Variants in PCDHGA2 observed in about 807,000 individuals in gnomAD.
PCDHGA2 encodes protocadherin gamma subfamily A, 2, also known as protocadherin gamma-A2.
A neutral mutation model predicts 59.2 loss-of-function variants in PCDHGA2; 40 were observed. That is an observed-to-expected ratio of 0.68 (90% CI 0.52 to 0.88). The LOEUF is 0.88. Among genes scored for constraint, PCDHGA2 ranks in the 40% least tolerant of loss-of-function variants. The pLI is 0.00. For missense variants in PCDHGA2, 1,226 were observed against 1,204.0 expected (o/e 1.02, Z -0.27); for synonymous variants, 560 against 526.0 (o/e 1.06, Z -0.89).
chr5:141,372,087 C>G, intron 1 of PCDHGA2: 2 of 1,613,740 alleles, frequency 1.2e-6, no homozygotes, highest in Non-Finnish European at 1.7e-6. Flanking sequence ...GGTGCTGTAC[C>G]CAGCTCTGGG....
intron 1 of PCDHGA2, chr5:141,400,541 T>C: frequency 6.2e-7 from 1 of 1,613,832 alleles, no homozygotes; most frequent in Admixed American, 1.7e-5. Flanking sequence ...TTCATTTATG[T>C]CTATTCTTTT....
intron 1 of PCDHGA2, chr5:141,420,085 C>T: frequency 1.2e-6 from 2 of 1,614,028 alleles, no homozygotes; most frequent in Middle Eastern, 1.6e-4. Context: ...GTCCCCCCAA[C>T]TACAGTGAGG....
intron 1 of PCDHGA2, chr5:141,405,392 TTC>T (rs1477182661): frequency 6.3e-7 from 1 of 1,595,986 alleles, no homozygotes; most frequent in Non-Finnish European, 8.5e-7. Flanking sequence ...TTCATTTTTT[TTC>T]TTTCTTTCTT....
rs143138320 is a variant in PCDHGA2 at position 141,489,458 on chromosome 5, G to C, written c.2425-5349G>C. The stretch of plus-strand genomic sequence containing the variant: ...CAATTGGGCTCTGAGGAGAATGGGC[G>C]CTATTTTTCCCTGAGCTTGATGAGT... On this transcript the variant is annotated intron_variant, in intron 1 of 3. Coordinates refer to ENST00000394576, the MANE Select transcript of PCDHGA2 (RefSeq NM_018915.4). The surrounding 1 kb of genome is among the most constrained non-coding windows in gnomAD (Gnocchi z 4.5). 3.7e-6 allele frequency: 6 copies of C among 1,613,924 alleles called. No individual in the cohort carries two copies. The highest frequency in any genetic ancestry group is 5.1e-6 in the Non-Finnish European group (6 of 1,180,000).
chr5:141,343,222 A>T (rs901695696), intron 1 of PCDHGA2: 2 of 839,690 alleles, frequency 2.4e-6, no homozygotes, highest in Non-Finnish European at 2.9e-6. Context: ...TTGTTTAATG[A>T]ATATTAAATA....
rs553104661 is a variant in PCDHGA2 at position 141,460,009 on chromosome 5, C to T, written c.2425-34798C>T. ...AGGAGAATCGCTTGAACCCAGGAGG[C>T]GGAGGTTGCAGTGAGCCGAGACTGC... On this transcript the variant is annotated intron_variant, in intron 1 of 3. Coordinates refer to ENST00000394576, the MANE Select transcript of PCDHGA2 (RefSeq NM_018915.4). 9.9e-4 allele frequency among the ~76,000 whole-genome samples: 150 copies of T among 152,212 alleles called. 1 individual carries two copies. The highest frequency in any genetic ancestry group is 3.4e-3 in the Middle Eastern group (1 of 294).
intron 1 of PCDHGA2, among the ~76,000 whole-genome samples, chr5:141,424,884 T>C (rs953145254): frequency 2.0e-5 from 3 of 152,186 alleles, no homozygotes; most frequent in Non-Finnish European, 4.4e-5. Flanking sequence ...AGGAGACTTA[T>C]CTAGGGTTTT....
At chr5:141,384,585 C>G in intron 1 of PCDHGA2, 2 of 1,614,246 alleles carry the variant, frequency 1.2e-6, no homozygotes, top group South Asian at 1.1e-5. Context: ...CGCCCGAGAT[C>G]CTGTACCCGG....
intron 1 of PCDHGA2, among the ~76,000 whole-genome samples, chr5:141,444,497 C>G (rs899746599): frequency 3.3e-5 from 5 of 152,026 alleles, no homozygotes; most frequent in African/African-American, 1.2e-4. Context: ...TTGTGTAATA[C>G]TTTGCTCTAG....
intron 1 of PCDHGA2, chr5:141,426,876 C>G (rs796453479): frequency 2.2e-6 from 1 of 456,726 alleles, no homozygotes; most frequent in Admixed American, 2.3e-5. Flanking sequence ...GGAGAAGCCC[C>G]TGGGCCAGGA....
intron 2 of PCDHGA2, among the ~76,000 whole-genome samples, chr5:141,499,214 C>T (rs1228581603): frequency 6.6e-6 from 1 of 152,074 alleles, no homozygotes; most frequent in Non-Finnish European, 1.5e-5. Flanking sequence ...TAACCCAGGC[C>T]CTGCCCTGCA....
chr5:141,377,575 G>C (rs2150112851), intron 1 of PCDHGA2: 1 of 150,404 alleles, frequency 6.6e-6, no homozygotes, highest in African/African-American at 2.4e-5. Context: ...TAGCCTGGGA[G>C]ACAGAATGAG....
chr5:141,487,237 T>G lies in PCDHGA2; in HGVS notation c.2425-7570T>G, dbSNP rs1327004790. ...CAGCTCCAAGGGAAGGAGAATCTCGTCTAACCCTCTACTTGGCTGTGTCCC... is the reference window on the plus strand; with the variant it reads ...CAGCTCCAAGGGAAGGAGAATCTCGGCTAACCCTCTACTTGGCTGTGTCCC... On this transcript the variant is annotated intron_variant, in intron 1 of 3. Transcript: ENST00000394576. This position sits in a 1 kb window ranked among gnomAD's most constrained non-coding sequence, Gnocchi z 5.0. 1.2e-6 allele frequency: 2 copies of G among 1,614,004 alleles called. No individual in the cohort carries two copies. The highest frequency in any genetic ancestry group is 1.7e-6 in the Non-Finnish European group (2 of 1,179,988).
intron 1 of PCDHGA2, chr5:141,351,381 A>G (rs1166014937): frequency 1.9e-6 from 3 of 1,612,406 alleles, no homozygotes; most frequent in Admixed American, 1.7e-5. Context: ...GATTCTGGGC[A>G]AAATGGCATG....
chr5:141,453,931 G>T (rs61228273), intron 1 of PCDHGA2, among the ~76,000 whole-genome samples: 2 of 152,306 alleles, frequency 1.3e-5, no homozygotes, highest in African/African-American at 4.8e-5. Flanking sequence ...GTCACTGTGT[G>T]CCTATAATTT....
chr5:141,397,571 A>G (rs1205930640), intron 1 of PCDHGA2, among the ~76,000 whole-genome samples: 1 of 152,224 alleles, frequency 6.6e-6, no homozygotes, highest in East Asian at 1.9e-4. Flanking sequence ...GAGAGCAAGA[A>G]CTGTATCATA....
intron 1 of PCDHGA2, chr5:141,382,944 G>T (rs375823415): frequency 7.9e-5 from 126 of 1,596,768 alleles, no homozygotes; most frequent in Non-Finnish European, 1.0e-4. Flanking sequence ...GATTCTTCCT[G>T]CTCTCCATCC....
In PCDHGA2 at chr5:141,410,925, C is replaced by T. The variant is rs576126485; in HGVS notation, c.2424+69530C>T. The T allele has an allele frequency of 2.3e-5, 5 of 217,506 alleles. No individual in the cohort carries two copies. The East Asian group carries it at 5.8e-4, about 25-fold the overall frequency. 13.5% of individuals were successfully genotyped at this position (217,506 alleles called of 1,614,324 possible). Reference sequence around the variant, plus strand: ...CTGGAGTGCAGTGGCGTGATCTCTGCTCACTGCAACCTCCGCCTTCTGGGT... The same window carrying T: ...CTGGAGTGCAGTGGCGTGATCTCTGTTCACTGCAACCTCCGCCTTCTGGGT... On this transcript the variant is annotated intron_variant, in intron 1 of 3. Coordinates refer to ENST00000394576, the MANE Select transcript of PCDHGA2 (RefSeq NM_018915.4).
At chr5:141,373,930 A>G in intron 1 of PCDHGA2, 1 of 675,978 alleles carries the variant, frequency 1.5e-6, no homozygotes, top group Non-Finnish European at 2.3e-6. Context: ...TAGACGGGAA[A>G]GCAGGAAAGC....
Sources: gnomAD v4.1 joint callset for allele counts (sites outside exome capture counted in the v4.1 genomes callset) on GRCh38, gnomAD v4.1.1 for gene constraint, Gnocchi (gnomAD v3.1) non-coding constraint, MANE v1.5 for transcripts, NCBI Gene and HGNC (gene_info 2026-07-23, HGNC 2026-07-21) for gene names.